POMGNT1: variants seen among roughly 807,000 people sequenced by gnomAD.
POMGNT1 encodes protein O-linked-mannose beta-1,2-N-acetylglucosaminyltransferase 1.
Under a neutral mutation model 95.6 loss-of-function variants are expected in POMGNT1, and 67 were observed. The observed-to-expected ratio is 0.70, with a 90% CI of 0.58 to 0.86. The LOEUF is 0.86. POMGNT1 is among the 40% of genes least tolerant of loss of function. The probability of loss-of-function intolerance (pLI) is 0.00; values close to 1 mark genes in which losing one functional copy is unlikely to be tolerated. For synonymous variants in POMGNT1, 298 were observed against 317.9 expected (o/e 0.94, Z 0.66); for missense variants, 719 against 855.2 (o/e 0.84, Z 1.99).
chr1:46,192,293 T>C lies in POMGNT1; in HGVS notation c.1413+15A>G, dbSNP rs369030460. ...GTAGGGGACTCCAGCCCCCTCACCC[T>C]ACCCTGACAGTTACCTTTTCCGGTG... On this transcript the variant is annotated intron_variant, in intron 16 of 21. Transcript: ENST00000371984. 6.2e-7 allele frequency: 1 copy of C among 1,614,166 alleles called. No homozygotes were observed. The highest frequency in any genetic ancestry group is 1.1e-5 in the South Asian group (1 of 91,084).
At chr1:46,190,893 A>G in intron 17 of POMGNT1, 109 bp from the exon 18 acceptor site, 1 of 1,029,816 alleles carries the variant, frequency 9.7e-7, no homozygotes, top group South Asian at 1.3e-5. Context: ...CTAGACCTGT[A>G]AAGAGCCCTC....
chr1:46,193,498 C>T (rs1019980547), intron 11 of POMGNT1, 66 bp downstream of exon 11: 19 of 1,613,244 alleles, frequency 1.2e-5, no homozygotes, highest in Admixed American at 1.7e-5. Context: ...CTCCCTTGCC[C>T]GTCCCTGGCA....
At chr1:46,210,850 C>T (rs1658871879) in intron 1 of POMGNT1, among the ~76,000 whole-genome samples, 5 of 152,186 alleles carry the variant, frequency 3.3e-5, no homozygotes, top group Non-Finnish European at 2.9e-5. Context: ...TCACAGCTCA[C>T]TGCAGCCTGT....
At chr1:46,207,862 T>A (rs1571683722) in intron 1 of POMGNT1, among the ~76,000 whole-genome samples, 1 of 150,626 alleles carries the variant, frequency 6.6e-6, no homozygotes. Context: ...TTAAATTATT[T>A]ATTTATTATC....
intron 1 of POMGNT1, among the ~76,000 whole-genome samples, chr1:46,214,527 TGGAAATAAACACATCATGGCGG>T (rs1659003459): frequency 6.6e-6 from 1 of 151,934 alleles, no homozygotes; most frequent in Non-Finnish European, 1.5e-5. Flanking sequence ...AAACAGCACT[TGGAAATAAACACATCATGGCGG>T]GGAAAAGAAA....
At chr1:46,191,414 G>C (rs1053836043) in intron 17 of POMGNT1, 17 of 181,654 alleles carry the variant, frequency 9.4e-5, no homozygotes, top group Middle Eastern at 2.5e-3. Flanking sequence ...CTGAAGCATA[G>C]GCTCCAGCAC....
At chr1:46,215,214 A>C (rs1659028367) in intron 1 of POMGNT1, among the ~76,000 whole-genome samples, 1 of 148,136 alleles carries the variant, frequency 6.8e-6, no homozygotes, top group Admixed American at 6.8e-5. Flanking sequence ...CGACACAACA[A>C]AACTCTGTCT....
chr1:46,199,185 G>A (rs1165120354), upstream of POMGNT1, among the ~76,000 whole-genome samples: 1 of 152,152 alleles, frequency 6.6e-6, no homozygotes, highest in Non-Finnish European at 1.5e-5. Context: ...CAAGTGATCC[G>A]CCCGCCTTGG....
In POMGNT1 at chr1:46,196,739, C is replaced by T; in HGVS notation, c.346G>A (p.Gly116Ser). The T allele has an allele frequency of 1.2e-6, 2 of 1,614,166 alleles. No homozygotes were observed. The highest frequency in any genetic ancestry group is 1.7e-6 in the Non-Finnish European group (2 of 1,180,036). ...SRSKVYVAVD[G>S]TTVLEDEARE... ...GACCCTGGCCCACTGACCGTGGTGC[C>T]ATCCACTGCCACATATACTTTGCTG... is the stretch of plus-strand genomic sequence containing the variant. The change falls in exon 4 of 22, where the codon GGC becomes AGC. Residue 116 changes from glycine (G) to serine (S), a missense_variant. Around this residue, in one of 5 missense-constraint regions of POMGNT1, gnomAD observed 466 missense variants for 517.4 expected, o/e 0.90. Transcript: ENST00000371984. The surrounding 1 kb of genome is among the most constrained non-coding windows in gnomAD (Gnocchi z 4.4).
intron 1 of POMGNT1, among the ~76,000 whole-genome samples, chr1:46,213,876 C>T (rs1433160942): frequency 6.6e-6 from 1 of 151,376 alleles, no homozygotes; most frequent in East Asian, 1.9e-4. Flanking sequence ...AAAAAAGATA[C>T]AGACTTTAGA....
At chr1:46,190,285 C>T (rs1657660091) in intron 19 of POMGNT1, 188 bp downstream of exon 19, 1 of 771,488 alleles carries the variant, frequency 1.3e-6, no homozygotes, top group South Asian at 1.5e-5. Flanking sequence ...ACCTCATGAT[C>T]CACCCACCTC....
intron 1 of POMGNT1, among the ~76,000 whole-genome samples, chr1:46,214,965 G>A (rs1002023472): frequency 1.3e-5 from 2 of 151,362 alleles, no homozygotes; most frequent in South Asian, 4.2e-4. Context: ...TGTGGCTCAC[G>A]CCTGTAATCC....
rs964622538 is a variant in POMGNT1, at chr1:46,204,663, C to A, written c.-50-6792G>T. ...TGGGAAGAGAGTCTGGTGGGTGGAG[C>A]AGTCAGGAAAGGCCCCCTGGGAGAA... On this transcript the variant is annotated intron_variant, in intron 1 of 22. Coordinates refer to the POMGNT1 transcript ENST00000371992. Among the ~76,000 whole-genome samples, 3 of 152,158 alleles carry A rather than the reference C, an allele frequency of 2.0e-5. No individual in the cohort carries two copies. In the South Asian group the frequency reaches 6.2e-4, roughly 32 times the overall value.
chr1:46,201,796 A>G (rs910022596), upstream of POMGNT1, among the ~76,000 whole-genome samples: 2 of 151,940 alleles, frequency 1.3e-5, no homozygotes, highest in African/African-American at 4.8e-5. Context: ...CCATATATCC[A>G]TATTTATCTG....
At chr1:46,193,671 T>C in intron 10 of POMGNT1, 32 bp from the exon 11 acceptor site, 1 of 1,613,710 alleles carries the variant, frequency 6.2e-7, no homozygotes, top group Non-Finnish European at 8.5e-7. Flanking sequence ...TAGGGTCACT[T>C]CATCACCCCT....
Position 46,193,388 on chromosome 1 carries a change from CCT to C in POMGNT1, c.1027-2_1027-1del, listed in dbSNP as rs1057516536. On this transcript the variant is annotated splice_acceptor_variant, in intron 11 of 21. Coordinates refer to ENST00000371984, the MANE Select transcript of POMGNT1 (RefSeq NM_017739.4). LOFTEE classifies it high-confidence loss of function. ...AACAGTGCCACCACATCCATGGGTT[CCT>C]GGGGGACATGGCCACTGCTCACCAT... 1.9e-6 allele frequency: 3 copies of C among 1,611,896 alleles called. No homozygotes were observed. The highest frequency in any genetic ancestry group is 3.3e-4 in the Middle Eastern group (2 of 6,060).
chr1:46,210,972 GT>G (rs1228458747), intron 1 of POMGNT1, among the ~76,000 whole-genome samples: 11 of 150,494 alleles, frequency 7.3e-5, no homozygotes, highest in Non-Finnish European at 1.6e-4. Flanking sequence ...TAGAGACAGG[GT>G]TTCCCTGTGT....
chr1:46,191,855 C>T (rs543107640), intron 17 of POMGNT1: 28 of 459,152 alleles, frequency 6.1e-5, no homozygotes, highest in African/African-American at 2.4e-4. Flanking sequence ...AGGATGGTCT[C>T]GATCTCCTGA....
Position 46,192,351 on chromosome 1 carries a change from A to G in POMGNT1, c.1370T>C (p.Leu457Ser). The G allele has an allele frequency of 1.2e-6, 2 of 1,614,120 alleles. No homozygotes were observed. Among genetic ancestry groups the G allele is most frequent in the South Asian group, 1.1e-5 (1 of 91,076 alleles). ...CTTGGGCTCAAGCTCCTCCTTGTAC[A>G]AGGACCTCCTGAGCACCCAGCCCAG... ...PGLGWVLRRS[L>S]YKEELEPKWP... Residue 457 changes from leucine (L) to serine (S), a missense_variant, in exon 16 of 22, where the codon TTG becomes TCG. Transcript: ENST00000371984.
Sources: gnomAD v4.1 joint callset for allele counts (sites outside exome capture counted in the v4.1 genomes callset) on GRCh38, gnomAD v4.1.1 for gene constraint, gnomAD v4.1.1 regional missense constraint, Gnocchi (gnomAD v3.1) non-coding constraint, MANE v1.5 for transcripts, NCBI Gene and HGNC (gene_info 2026-07-23, HGNC 2026-07-21) for gene names.